The following PIAS1 variants were observed in gnomAD, a reference collection of about 807,000 sequenced individuals.
PIAS1 encodes E3 SUMO-protein ligase PIAS1.
In PIAS1, 6 loss-of-function variants were observed where a neutral mutation model predicts 71.3. The observed-to-expected ratio is 0.08, with a 90% CI of 0.05 to 0.17. The LOEUF (loss-of-function observed/expected upper bound fraction) is 0.17, where lower values mean the gene tolerates loss of function less well. Ranked by LOEUF, PIAS1 falls within the 10% of genes least tolerant of loss-of-function variation. The probability of loss-of-function intolerance (pLI) is 1.00; values close to 1 mark genes in which losing one functional copy is unlikely to be tolerated. For synonymous variants in PIAS1, 303 were observed against 292.9 expected (o/e 1.03, Z -0.35); for missense variants, 555 against 793.6 (o/e 0.70, Z 3.61).
intron 1 of PIAS1, among the ~76,000 whole-genome samples, chr15:68,062,232 C>T (rs1465614729): frequency 6.6e-6 from 1 of 152,166 alleles, no homozygotes; most frequent in African/African-American, 2.4e-5. Flanking sequence ...CTACACTTCT[C>T]ATTGTAATGA....
chr15:68,084,724 A>G (rs2092263493), intron 1 of PIAS1, among the ~76,000 whole-genome samples: 1 of 152,168 alleles, frequency 6.6e-6, no homozygotes, highest in South Asian at 2.1e-4. Context: ...CACTGTTGTC[A>G]GGCCCTAGTT....
chr15:68,135,651 T>C (rs1161631834), intron 2 of PIAS1, among the ~76,000 whole-genome samples: 158 of 53,554 alleles, frequency 3.0e-3, no homozygotes, highest in African/African-American at 4.9e-3. Flanking sequence ...CCGGACGGGG[T>C]GGCTGGCCTG....
At chr15:68,101,896 G>T (rs1363434841) in intron 2 of PIAS1, among the ~76,000 whole-genome samples, 1 of 152,124 alleles carries the variant, frequency 6.6e-6, no homozygotes, top group Non-Finnish European at 1.5e-5. Context: ...GACTACAGGT[G>T]TGTGCCATCG....
At chr15:68,088,395 G>T (rs1409029865) in intron 2 of PIAS1, among the ~76,000 whole-genome samples, 1 of 151,594 alleles carries the variant, frequency 6.6e-6, no homozygotes, top group African/African-American at 2.4e-5. Context: ...AGTGTTTGTG[G>T]TGATTTTATG....
At chr15:68,108,264 G>A (rs979695010) in intron 2 of PIAS1, among the ~76,000 whole-genome samples, 10 of 152,040 alleles carry the variant, frequency 6.6e-5, no homozygotes, top group African/African-American at 2.4e-4. Context: ...TCAATCCACT[G>A]AAACTTCTCT....
chr15:68,144,817 G>A (rs920619904), intron 4 of PIAS1, among the ~76,000 whole-genome samples: 1 of 152,082 alleles, frequency 6.6e-6, no homozygotes, highest in Non-Finnish European at 1.5e-5. Flanking sequence ...AACTGAACAT[G>A]TATATGTACT....
In PIAS1 at chr15:68,086,357, G is replaced by A. The variant is rs201183628; in HGVS notation, c.76G>A (p.Ala26Thr). 6 of 1,612,768 alleles carry A rather than the reference G, an allele frequency of 3.7e-6. No individual in the cohort carries two copies. Among genetic ancestry groups the A allele is most frequent in the South Asian group, 1.1e-5 (1 of 91,014 alleles). ...VSELQVLLGY[A>T]GRNKHGRKHE... ...TGAACTCCAAGTACTGTTGGGCTAC[G>A]CCGGGAGAAACAAGCACGGACGCAA... The change falls in exon 2 of 14, where the codon GCC becomes ACC. Residue 26 changes from alanine (A) to threonine (T), a missense_variant. Around this residue, in one of 5 missense-constraint regions of PIAS1, gnomAD observed 48 missense variants for 86.6 expected, o/e 0.55. Transcript: ENST00000249636. The surrounding 1 kb of genome is among the most constrained non-coding windows in gnomAD (Gnocchi z 7.2).
At chr15:68,137,444 A>C (rs1472570426) in intron 2 of PIAS1, among the ~76,000 whole-genome samples, 3 of 152,176 alleles carry the variant, frequency 2.0e-5, no homozygotes, top group African/African-American at 7.2e-5. Context: ...ACTGGAAGGA[A>C]ATAGATAAAA....
chr15:68,150,396 T>G (rs2092836649), intron 6 of PIAS1, among the ~76,000 whole-genome samples: 1 of 152,194 alleles, frequency 6.6e-6, no homozygotes, highest in Non-Finnish European at 1.5e-5. Flanking sequence ...AGTAAAACAC[T>G]AAATCAGCAT....
intron 2 of PIAS1, among the ~76,000 whole-genome samples, chr15:68,101,886 G>A (rs2092430079): frequency 6.6e-6 from 1 of 152,140 alleles, no homozygotes; most frequent in African/African-American, 2.4e-5. Flanking sequence ...GAGTAGTTGA[G>A]ACTACAGGTG....
At chr15:68,182,451 T>TGTGTGC (rs1193676158) in intron 12 of PIAS1, among the ~76,000 whole-genome samples, 14 of 145,216 alleles carry the variant, frequency 9.6e-5, no homozygotes, top group Admixed American at 2.1e-4. Flanking sequence ...TGTGTGTGTG[T>TGTGTGC]GTGTGTGTGT....
At chr15:68,157,457 A>G (rs28735925) in intron 7 of PIAS1, among the ~76,000 whole-genome samples, 1,776 of 152,186 alleles carry the variant, frequency 0.012, 31 homozygotes, top group African/African-American at 0.041. Flanking sequence ...TTACCTCCTC[A>G]CTGCATCTCA....
At chr15:68,078,581 A>AT (rs2092194954) in intron 1 of PIAS1, among the ~76,000 whole-genome samples, 1 of 152,160 alleles carries the variant, frequency 6.6e-6, no homozygotes, top group South Asian at 2.1e-4. Flanking sequence ...TCAGTGTAAC[A>AT]TATACTCAGC....
chr15:68,069,754 A>AC (rs2092072452), intron 1 of PIAS1, among the ~76,000 whole-genome samples: 1 of 150,484 alleles, frequency 6.6e-6, no homozygotes, highest in South Asian at 2.1e-4. Context: ...CAGTGAGCCG[A>AC]CATTGTGCCA....
intron 2 of PIAS1, among the ~76,000 whole-genome samples, chr15:68,115,829 G>C (rs1441487292): frequency 1.3e-5 from 2 of 152,040 alleles, no homozygotes; most frequent in Non-Finnish European, 2.9e-5. Flanking sequence ...CGTTAATATG[G>C]TGACTTGATT....
chr15:68,117,253 A>G (rs1175541136), intron 2 of PIAS1, among the ~76,000 whole-genome samples: 1 of 151,648 alleles, frequency 6.6e-6, no homozygotes, highest in Non-Finnish European at 1.5e-5. Context: ...ACACCTGGCT[A>G]ATTTGTATTT....
rs1308279474 is a variant in PIAS1, at chr15:68,189,625, T to C, written c.*1790T>C. On this transcript the variant is annotated 3_prime_UTR_variant, in exon 14 of 14. Coordinates refer to ENST00000249636, the MANE Select transcript of PIAS1 (RefSeq NM_016166.3). ...GAATTTTGGGAAAAAAAAAAGTTGG[T>C]GTTGATATGTATATGTGTGTGTGTA... The C allele has an allele frequency of 6.6e-6, 1 of 152,082 alleles. No individual in the cohort carries two copies. Among genetic ancestry groups the C allele is most frequent in the Non-Finnish European group, 1.5e-5 (1 of 67,998 alleles). The allele number at this position is 152,082 out of a possible 1,614,324, so 9.4% of individuals were successfully genotyped here. A position where few individuals can be genotyped will look rare whatever the true frequency, so the allele number is the denominator to read the frequency against.
intron 7 of PIAS1, among the ~76,000 whole-genome samples, chr15:68,155,931 G>A (rs1472733887): frequency 6.6e-6 from 1 of 152,174 alleles, no homozygotes; most frequent in Non-Finnish European, 1.5e-5. Flanking sequence ...TACAAGACAT[G>A]AATTACCTAA....
intron 2 of PIAS1, among the ~76,000 whole-genome samples, chr15:68,137,430 A>G (rs1174993022): frequency 1.3e-5 from 2 of 152,190 alleles, no homozygotes; most frequent in Non-Finnish European, 2.9e-5. Context: ...TTGATATGAG[A>G]ATGACTGGAA....
Sources: allele counts gnomAD v4.1 joint callset (sites outside exome capture counted in the v4.1 genomes callset), GRCh38; gene constraint gnomAD v4.1.1; regional missense constraint gnomAD v4.1.1; non-coding constraint Gnocchi (gnomAD v3.1); transcripts MANE v1.5; gene names NCBI Gene and HGNC (gene_info 2026-07-23, HGNC 2026-07-21).